The following MATN4 variants were observed in gnomAD, a reference collection of about 807,000 sequenced individuals.
MATN4 encodes the protein matrilin-4.
In MATN4, 40 loss-of-function variants were observed where a neutral mutation model predicts 54.6. That is an observed-to-expected ratio of 0.73 (90% confidence interval 0.57 to 0.95). The LOEUF is 0.95. Among genes scored for constraint, MATN4 ranks in the 40% least tolerant of loss-of-function variants. MATN4 has a pLI of 0.00. For synonymous variants in MATN4, 351 were observed against 345.3 expected (o/e 1.02, Z -0.18); for missense variants, 810 against 819.1 (o/e 0.99, Z 0.13).
At chr20:45,301,069 C>A (rs1986196285) in intron 5 of MATN4, 33 bp downstream of exon 5, 2 of 1,614,002 alleles carry the variant, frequency 1.2e-6, no homozygotes, top group Non-Finnish European at 1.7e-6. Flanking sequence ...AGATCTCTTA[C>A]CCCTCCCACA....
At chr20:45,307,651 C>T (rs150395243) in intron 1 of MATN4, among the ~76,000 whole-genome samples, 1 of 152,346 alleles carries the variant, frequency 6.6e-6, no homozygotes, top group East Asian at 1.9e-4. Context: ...TCACCTGGCA[C>T]CCTGCCTCCA....
chr20:45,293,506 C>A lies in MATN4; in HGVS notation c.*261G>T, dbSNP rs1985599633. 6.8e-6 allele frequency: 3 copies of A among 443,314 alleles called. No homozygotes were observed. Among genetic ancestry groups the A allele is most frequent in the African/African-American group, 4.1e-5 (2 of 48,468 alleles). 27.5% of individuals were successfully genotyped at this position (443,314 alleles called of 1,614,324 possible). A position where few individuals can be genotyped will look rare whatever the true frequency, so the allele number is the denominator to read the frequency against. On this transcript the variant is annotated 3_prime_UTR_variant, in exon 10 of 10. Transcript: ENST00000372756. ...CACAAACAAGAAATCCAACAAAGAACTGAGCGCAGCACGCGGCGAGGGCGT... is the reference window on the plus strand; with the variant it reads ...CACAAACAAGAAATCCAACAAAGAAATGAGCGCAGCACGCGGCGAGGGCGT...
At chr20:45,306,163 G>GA (rs1208025741) in intron 1 of MATN4, among the ~76,000 whole-genome samples, 3 of 151,936 alleles carry the variant, frequency 2.0e-5, no homozygotes, top group African/African-American at 4.8e-5. Context: ...AATTTAAACA[G>GA]AAAAAAACAG....
chr20:45,306,976 C>T (rs956476780), intron 1 of MATN4: 5 of 1,242,934 alleles, frequency 4.0e-6, no homozygotes, highest in Non-Finnish European at 5.1e-6. Context: ...GCCCCGGAGA[C>T]GCCCCGTGAG....
intron 8 of MATN4, among the ~76,000 whole-genome samples, chr20:45,294,691 GCAGGGGTCCCC>G (rs1985699031): frequency 6.6e-6 from 1 of 152,202 alleles, no homozygotes; most frequent in Non-Finnish European, 1.5e-5. Context: ...ATACTTTACA[GCAGGGGTCCCC>G]AATCCCCAGG....
Position 45,298,655 on chromosome 20 carries a change from G to T in MATN4, c.1013-72C>A. On this transcript the variant is annotated intron_variant, in intron 6 of 9. Coordinates refer to ENST00000372756, the MANE Select transcript of MATN4 (RefSeq NM_001393530.1). This position sits in a 1 kb window ranked among gnomAD's most constrained non-coding sequence, Gnocchi z 4.6. ...GCAGCAGCTGTCTATCCATCTAGTC[G>T]TTCATTCGCAAACATTTATTATATA... The T allele has an allele frequency of 8.1e-7, 1 of 1,238,154 alleles. No individual in the cohort carries two copies. The highest frequency in any genetic ancestry group is 1.1e-6 in the Non-Finnish European group (1 of 890,842). The allele number at this position is 1,238,154 out of a possible 1,614,324, so 76.7% of individuals were successfully genotyped here.
At position 45,293,794 on chromosome 20, in the gene MATN4, C is replaced by G; in HGVS notation, c.1719G>C (p.Leu573=). 1 of 1,610,724 alleles carries G rather than the reference C, an allele frequency of 6.2e-7. No individual in the cohort carries two copies. Among genetic ancestry groups the G allele is most frequent in the Non-Finnish European group, 8.5e-7 (1 of 1,179,892 alleles). The change falls in exon 10 of 10, where the codon CTG becomes CTC. Residue 573 remains leucine, a synonymous_variant. Transcript: ENST00000372756. Reference sequence around the variant, plus strand: ...ACTTCTGGTTGGCCAGCTGGTTCTCCAGATCCTCCAGGCGCGCCGTCAGCT... The same window carrying G: ...ACTTCTGGTTGGCCAGCTGGTTCTCGAGATCCTCCAGGCGCGCCGTCAGCT... ...LAQLTARLED[L]ENQLANQK
At chr20:45,307,788 A>G (rs1270766917) in intron 1 of MATN4, among the ~76,000 whole-genome samples, 1 of 152,190 alleles carries the variant, frequency 6.6e-6, no homozygotes, top group Non-Finnish European at 1.5e-5. Context: ...GTACATGGCG[A>G]TGTCGTGGCA....
At position 45,293,500 on chromosome 20, in the gene MATN4, A is replaced by G; in HGVS notation, c.*267T>C. ...TAAGAACACAAACAAGAAATCCAAC[A>G]AAGAACTGAGCGCAGCACGCGGCGA... is the stretch of plus-strand genomic sequence containing the variant. On this transcript the variant is annotated 3_prime_UTR_variant, in exon 10 of 10. Coordinates refer to ENST00000372756, the MANE Select transcript of MATN4 (RefSeq NM_001393530.1). 1 of 421,986 alleles carries G rather than the reference A, an allele frequency of 2.4e-6. No individual in the cohort carries two copies. The highest frequency in any genetic ancestry group is 4.2e-6 in the Non-Finnish European group (1 of 240,440). 26.1% of individuals were successfully genotyped at this position (421,986 alleles called of 1,614,324 possible). A position where few individuals can be genotyped will look rare whatever the true frequency, so the allele number is the denominator to read the frequency against.
chr20:45,294,121 A>G, intron 8 of MATN4, 106 bp from the exon 9 acceptor site: 2 of 863,758 alleles, frequency 2.3e-6, no homozygotes, highest in Non-Finnish European at 3.6e-6. Flanking sequence ...CTTTGGATTT[A>G]GAGAGACCTG....
At chr20:45,306,677 G>C (rs1403492105) in intron 1 of MATN4, among the ~76,000 whole-genome samples, 1 of 152,276 alleles carries the variant, frequency 6.6e-6, no homozygotes, top group African/African-American at 2.4e-5. Context: ...TTTCCCGCCT[G>C]CTCTCAGGAG....
At position 45,301,329 on chromosome 20, in the gene MATN4, C is replaced by T. The variant is rs1265433741; in HGVS notation, c.758G>A (p.Ser253Asn). 2 of 1,614,028 alleles carry T rather than the reference C, an allele frequency of 1.2e-6. No homozygotes were observed. The highest frequency in any genetic ancestry group is 1.7e-6 in the Non-Finnish European group (2 of 1,180,036). The change falls in exon 4 of 10, where the codon AGC becomes AAC. Residue 253 changes from serine (S) to asparagine (N), a missense_variant. By Grantham distance (46) the Ser-to-Asn change is conservative. Coordinates refer to ENST00000372756, the MANE Select transcript of MATN4 (RefSeq NM_001393530.1). Reference protein sequence around the residue: ...VGFVLQQDQRSCRAIDYCSFG... With the variant: ...VGFVLQQDQRNCRAIDYCSFG... ...GTGGGGGTGTTGCTCACCCCTGCAG[C>T]TCCTCTGGTCCTGCTGGAGTACAAA...
intron 1 of MATN4, 28 bp downstream of exon 1, chr20:45,308,147 C>T (rs762621554): frequency 6.2e-7 from 1 of 1,612,672 alleles, no homozygotes; most frequent in Admixed American, 1.7e-5. Context: ...CTGCAGACCC[C>T]TCAGTGCCTC....
chr20:45,304,864 A>T, intron 2 of MATN4, 67 bp from the exon 3 acceptor site: 1 of 1,049,772 alleles, frequency 9.5e-7, no homozygotes, highest in Non-Finnish European at 1.4e-6. Flanking sequence ...ACCCCCTAGG[A>T]AACCCAGGGG....
rs758735302 is a variant in MATN4, at chr20:45,305,805, C to CTTTTTTTTTTTTTTTTTTTTTTT, written c.-34-190_-34-189insAAAAAAAAAAAAAAAAAAAAAAA. ...GGATTGCTGGGAAACACAAGAGATT[C>CTTTTTTTTTTTTTTTTTTTTTTT]TTTTTTTTTTTTTTTTTAGATAGAG... On this transcript the variant is annotated intron_variant, in intron 1 of 9. Coordinates refer to ENST00000372756, the MANE Select transcript of MATN4 (RefSeq NM_001393530.1). Among the ~76,000 whole-genome samples the CTTTTTTTTTTTTTTTTTTTTTTT allele has an allele frequency of 5.0e-3, 326 of 64,678 alleles. 125 individuals are homozygous for CTTTTTTTTTTTTTTTTTTTTTTT. Among genetic ancestry groups the CTTTTTTTTTTTTTTTTTTTTTTT allele is most frequent in the East Asian group, 0.046 (50 of 1,090 alleles). 42.4% of individuals were successfully genotyped at this position (64,678 alleles called of 152,430 possible).
chr20:45,300,910 T>G lies in MATN4; in HGVS notation c.989A>C (p.Gln330Pro). 6.2e-7 allele frequency: 1 copy of G among 1,613,290 alleles called. No individual in the cohort carries two copies. The highest frequency in any genetic ancestry group is 8.5e-7 in the Non-Finnish European group (1 of 1,180,018). Residue 330 changes from glutamine to proline, a missense_variant, in exon 6 of 10, where the codon CAG becomes CCG. Physicochemically the swap from Gln to Pro is moderately conservative, Grantham distance 76 (BLOSUM62 -1). Transcript: ENST00000372756. ...ACGGTTGCAGCTCTTGCCATCTGCCTGAAGTTGCCGCCCCTCGGGGCACAG... is the reference window on the plus strand; with the variant it reads ...ACGGTTGCAGCTCTTGCCATCTGCCGGAAGTTGCCGCCCCTCGGGGCACAG... ...RCLCPEGRQL[Q>P]ADGKSCNRCR...
At position 45,298,051 on chromosome 20, in the gene MATN4, C is replaced by G. The variant is rs1164376718; in HGVS notation, c.1446G>C (p.Val482=). ...CCGCCTCCACCGCCTTGCCCACGCC[C>G]ACGGCGTACATGACGATGCCTGCAA... The part of the protein sequence containing the change: ...AKEEGIVMYA[V]GVGKAVEAEL... The change falls in exon 8 of 10, where the codon GTG becomes GTC. Residue 482 remains valine (V), a synonymous_variant. Transcript: ENST00000372756. This position sits in a 1 kb window ranked among gnomAD's most constrained non-coding sequence, Gnocchi z 4.6. 1.9e-6 allele frequency: 3 copies of G among 1,613,612 alleles called. No individual in the cohort carries two copies. The Admixed American group carries it at 5.0e-5, about 27-fold the overall frequency.
intron 6 of MATN4, among the ~76,000 whole-genome samples, chr20:45,299,588 T>C (rs1361434178): frequency 6.6e-6 from 1 of 152,044 alleles, no homozygotes; most frequent in Admixed American, 6.6e-5. Context: ...AAAATTACTG[T>C]CCTTGTAAGA....
At chr20:45,305,805 C>CTTTTTTTTTT (rs758735302) in intron 1 of MATN4, among the ~76,000 whole-genome samples, 189 bp from the exon 2 acceptor site, 1,278 of 64,620 alleles carry the variant, frequency 0.02, 416 homozygotes, top group East Asian at 0.055. Flanking sequence ...ACAAGAGATT[C>CTTTTTTTTTT]TTTTTTTTTT....
Sources: allele counts gnomAD v4.1 joint callset (sites outside exome capture counted in the v4.1 genomes callset), GRCh38; gene constraint gnomAD v4.1.1; non-coding constraint Gnocchi (gnomAD v3.1); transcripts MANE v1.5; gene names NCBI Gene and HGNC (gene_info 2026-07-23, HGNC 2026-07-21).